PANX1: variants seen among roughly 807,000 people sequenced by gnomAD.
The protein encoded by PANX1 is pannexin-1.
In PANX1, 30 loss-of-function variants were observed where a neutral mutation model predicts 38.7. The observed-to-expected ratio is 0.78, with a 90% CI of 0.58 to 1.05. The LOEUF is 1.05. Ranked by LOEUF, PANX1 falls within the 50% of genes least tolerant of loss-of-function variation. The pLI, the probability that PANX1 is intolerant of heterozygous loss-of-function variation, is 0.00. For synonymous variants in PANX1, 230 were observed against 212.2 expected, an observed-to-expected ratio of 1.08 and a Z score of -0.73; for missense variants, 551 against 517.2, an observed-to-expected ratio of 1.07 and a Z score of -0.63.
At chr11:94,145,517 G>A (rs1565374911) in intron 1 of PANX1, among the ~76,000 whole-genome samples, 1 of 152,266 alleles carries the variant, frequency 6.6e-6, no homozygotes, top group East Asian at 1.9e-4. Context: ...TTGCATTCAT[G>A]GTCATTTCAT....
intron 2 of PANX1, among the ~76,000 whole-genome samples, chr11:94,175,367 T>G (rs1947221298): frequency 6.6e-6 from 1 of 151,626 alleles, no homozygotes; most frequent in Non-Finnish European, 1.5e-5. Flanking sequence ...TTAGGGAAAT[T>G]TACACCCTAT....
intron 2 of PANX1, among the ~76,000 whole-genome samples, chr11:94,159,504 T>C (rs896521586): frequency 6.6e-6 from 1 of 151,924 alleles, no homozygotes; most frequent in Non-Finnish European, 1.5e-5. Flanking sequence ...GTCGAGGAAT[T>C]TATCCATTTC....
intron 1 of PANX1, among the ~76,000 whole-genome samples, chr11:94,153,226 C>A (rs530326779): frequency 6.6e-6 from 1 of 152,136 alleles, no homozygotes; most frequent in Non-Finnish European, 1.5e-5. Context: ...TTCCTGCTTC[C>A]TTTTTCTTTG....
chr11:94,132,881 A>G (rs1237024118), intron 1 of PANX1, among the ~76,000 whole-genome samples: 6 of 152,174 alleles, frequency 3.9e-5, no homozygotes, highest in Non-Finnish European at 5.9e-5. Context: ...TAAATCAAGA[A>G]ATGTGCATGG....
intron 2 of PANX1, among the ~76,000 whole-genome samples, chr11:94,161,069 T>C (rs1260457968): frequency 6.6e-6 from 1 of 152,266 alleles, no homozygotes; most frequent in Non-Finnish European, 1.5e-5. Context: ...CTCTTCTGGC[T>C]TGTAGAGTTT....
intron 1 of PANX1, among the ~76,000 whole-genome samples, chr11:94,142,806 A>T (rs1475002700): frequency 6.6e-6 from 1 of 152,228 alleles, no homozygotes; most frequent in East Asian, 1.9e-4. Flanking sequence ...TGAGTGCCTT[A>T]GGGAGAATAC....
chr11:94,130,103 C>G (rs1946610175), intron 1 of PANX1, among the ~76,000 whole-genome samples: 1 of 152,208 alleles, frequency 6.6e-6, no homozygotes, highest in African/African-American at 2.4e-5. Flanking sequence ...AGCTTCATAA[C>G]AGTTGTGTGA....
chr11:94,180,086 T>C lies in PANX1; in HGVS notation c.1030T>C (p.Ser344Pro). The change falls in exon 4 of 5, where the codon TCA becomes CCA. Residue 344 changes from serine to proline, a missense_variant. Physicochemically the swap from Ser to Pro is moderately conservative, Grantham distance 74 (BLOSUM62 -1). Transcript: ENST00000227638. ...FLEENISEVK[S>P]YKCLKVLENI... is the part of the protein sequence containing the mutation. The stretch of plus-strand genomic sequence containing the variant: ...GGAGGAAAATATAAGTGAGGTCAAG[T>C]CATACAAGTGTCTTAAGGTACTGGA... 6.2e-7 allele frequency: 1 copy of C among 1,613,960 alleles called. No individual in the cohort carries two copies.
chr11:94,139,261 G>A (rs1433879129), intron 1 of PANX1, among the ~76,000 whole-genome samples: 1 of 152,152 alleles, frequency 6.6e-6, no homozygotes, highest in Non-Finnish European at 1.5e-5. Flanking sequence ...TTAGAATCAT[G>A]ACAGGGAAAC....
In PANX1 at chr11:94,129,262, C is replaced by G. The variant is rs959972532; in HGVS notation, c.-51C>G. ...TGGGTGAAGGCGCCGCGCAGCTTTC[C>G]CGACGCCGGCTGTACCCGGACCTCC... On this transcript the variant is annotated 5_prime_UTR_variant, in exon 1 of 5. Coordinates refer to ENST00000227638, the MANE Select transcript of PANX1 (RefSeq NM_015368.4). The G allele has an allele frequency of 2.0e-6, 3 of 1,527,124 alleles. No homozygotes were observed. The highest frequency in any genetic ancestry group is 2.7e-6 in the Non-Finnish European group (3 of 1,122,198). 94.6% of individuals were successfully genotyped at this position (1,527,124 alleles called of 1,614,324 possible). A position where few individuals can be genotyped will look rare whatever the true frequency, so the allele number is the denominator to read the frequency against.
At chr11:94,129,601 G>T (rs751467023) in intron 1 of PANX1, 108 bp downstream of exon 1, 14 of 1,020,698 alleles carry the variant, frequency 1.4e-5, no homozygotes, top group Non-Finnish European at 2.0e-5. Context: ...TGTGATGGTC[G>T]TGAGCGTCAG....
At chr11:94,136,502 C>G (rs183915995) in intron 1 of PANX1, among the ~76,000 whole-genome samples, 3 of 152,154 alleles carry the variant, frequency 2.0e-5, no homozygotes, top group Non-Finnish European at 4.4e-5. Context: ...ACATATCGGC[C>G]GGGCGCGGTG....
intron 2 of PANX1, among the ~76,000 whole-genome samples, chr11:94,166,418 T>C (rs980327005): frequency 1.3e-5 from 2 of 152,222 alleles, no homozygotes; most frequent in African/African-American, 4.8e-5. Context: ...AAGGATAACT[T>C]TGCTGGTGAT....
chr11:94,159,737 C>T (rs544267181), intron 2 of PANX1, among the ~76,000 whole-genome samples: 1 of 151,700 alleles, frequency 6.6e-6, no homozygotes, highest in Non-Finnish European at 1.5e-5. Context: ...TTCAGTTCTG[C>T]CCTGATGTTA....
In PANX1 at chr11:94,163,777, G is replaced by A. The variant is rs568985194; in HGVS notation, c.321+10147G>A. On this transcript the variant is annotated intron_variant, in intron 2 of 4. Coordinates refer to ENST00000227638, the MANE Select transcript of PANX1 (RefSeq NM_015368.4). ...ATGGTTTGGAATTATTCCCTCCTCA[G>A]TTTTTTTGAATACTTTAAGTAGGGT... 3.2e-4 allele frequency among the ~76,000 whole-genome samples: 49 copies of A among 152,200 alleles called. 2 individuals are homozygous for A. Among genetic ancestry groups the A allele is most frequent in the African/African-American group, 1.2e-3 (49 of 41,542 alleles).
rs375775573 is a variant in PANX1, at chr11:94,156,067, C to G, written c.321+2437C>G. On this transcript the variant is annotated intron_variant, in intron 2 of 4. Transcript: ENST00000227638. ...TTTGATGGATCCGCAGGAGAATTGTCTAAGAGTTGGCAGGGGTGTTAGTAA... is the reference window on the plus strand; with the variant it reads ...TTTGATGGATCCGCAGGAGAATTGTGTAAGAGTTGGCAGGGGTGTTAGTAA... 4.6e-5 allele frequency among the ~76,000 whole-genome samples: 7 copies of G among 151,532 alleles called. No individual in the cohort carries two copies. In the South Asian group the frequency reaches 1.0e-3, roughly 22 times the overall value.
At position 94,153,631 on chromosome 11, in the gene PANX1, G is replaced by A. The variant is rs1203666688; in HGVS notation, c.321+1G>A. ...AAACCTCCCACTGTGGCTGCATAAG[G>A]TAAAGGGAGACATTTCCAAATAGAA... On this transcript the variant is annotated splice_donor_variant, in intron 2 of 4. Transcript: ENST00000227638. LOFTEE classifies it high-confidence loss of function. The A allele has an allele frequency of 1.2e-6, 2 of 1,612,432 alleles. No individual in the cohort carries two copies. The highest frequency in any genetic ancestry group is 1.7e-6 in the Non-Finnish European group (2 of 1,179,614).
intron 1 of PANX1, among the ~76,000 whole-genome samples, chr11:94,132,283 AC>A (rs1313532226): frequency 6.6e-6 from 1 of 152,160 alleles, no homozygotes; most frequent in African/African-American, 2.4e-5. Flanking sequence ...TGAACGCATA[AC>A]CCTCCTAATG....
chr11:94,139,639 C>T (rs903059152), intron 1 of PANX1, among the ~76,000 whole-genome samples: 16 of 152,220 alleles, frequency 1.1e-4, no homozygotes, highest in African/African-American at 3.4e-4. Context: ...CAACCCCTGA[C>T]CTCACGGGAG....
Sources: allele counts gnomAD v4.1 joint callset (sites outside exome capture counted in the v4.1 genomes callset), GRCh38; gene constraint gnomAD v4.1.1; transcripts MANE v1.5; gene names NCBI Gene and HGNC (gene_info 2026-07-23, HGNC 2026-07-21).